The following TEX36 variants were observed in gnomAD, a reference collection of about 807,000 sequenced individuals.
The protein encoded by TEX36 is testis-expressed protein 36.
A neutral mutation model predicts 13.6 loss-of-function variants in TEX36; 12 were observed. The observed-to-expected ratio is 0.88, with a 90% CI of 0.56 to 1.43. The LOEUF is 1.43. Among genes scored for constraint, TEX36 ranks in the 40% most tolerant of loss-of-function variants. The pLI, the probability that TEX36 is intolerant of heterozygous loss-of-function variation, is 0.00. For synonymous variants in TEX36, 93 were observed against 83.0 expected (o/e 1.12, Z -0.65); for missense variants, 224 against 228.3 (o/e 0.98, Z 0.12).
At chr10:125,609,526 C>T (rs992368462) in intron 3 of TEX36, among the ~76,000 whole-genome samples, 1 of 152,158 alleles carries the variant, frequency 6.6e-6, no homozygotes, top group Non-Finnish European at 1.5e-5. Flanking sequence ...ACCTCCCATG[C>T]GGGATCCTTC....
At position 125,661,913 on chromosome 10, in the gene TEX36, G is replaced by C. The variant is rs199742415; in HGVS notation, c.116C>G (p.Pro39Arg). ...TTGCCGAGGCAAGTGTGGACTCTGG[G>C]GCTCTTTTGACGTAGCACTGGTGAT... ...ESITSATSKE[P>R]QSPHLPRQAE... Residue 39 changes from proline (P) to arginine (R), a missense_variant, in exon 2 of 4, where the codon CCC becomes CGC. Transcript: ENST00000368821. 5 of 1,552,298 alleles carry C rather than the reference G, an allele frequency of 3.2e-6. No individual in the cohort carries two copies. The highest frequency in any genetic ancestry group is 4.4e-6 in the Non-Finnish European group (5 of 1,147,128).
Position 125,655,817 on chromosome 10 carries a change from G to A in TEX36, c.*83C>T. 7.3e-7 allele frequency: 1 copy of A among 1,374,662 alleles called. No individual in the cohort carries two copies. The highest frequency in any genetic ancestry group is 3.3e-5 in the Admixed American group (1 of 30,096). The allele number at this position is 1,374,662 out of a possible 1,614,324, so 85.2% of individuals were successfully genotyped here. On this transcript the variant is annotated 3_prime_UTR_variant, in exon 4 of 4. Transcript: ENST00000368821. ...AAAGTACTTTAAAAATTAAATAGTG[G>A]TGCTGGATCAGAAAACATATACTTT...
At chr10:125,649,040 T>C (rs770435324) in intron 3 of TEX36, among the ~76,000 whole-genome samples, 3 of 152,202 alleles carry the variant, frequency 2.0e-5, no homozygotes, top group Non-Finnish European at 4.4e-5. Flanking sequence ...TTGGTGTACC[T>C]GAAAGAGACA....
intron 3 of TEX36, among the ~76,000 whole-genome samples, chr10:125,623,527 T>C (rs1456955728): frequency 6.6e-6 from 1 of 151,632 alleles, no homozygotes; most frequent in Non-Finnish European, 1.5e-5. Context: ...TAGTAATATG[T>C]GTAACATGAA....
At chr10:125,653,650 AT>A (rs1291856082), downstream of TEX36, among the ~76,000 whole-genome samples, 3 of 152,058 alleles carry the variant, frequency 2.0e-5, no homozygotes, top group African/African-American at 7.2e-5. Context: ...AATAATAAAA[AT>A]TTTTAAAAAA....
intron 3 of TEX36, among the ~76,000 whole-genome samples, chr10:125,590,288 A>G (rs1432186692): frequency 6.6e-6 from 1 of 151,968 alleles, no homozygotes; most frequent in African/African-American, 2.4e-5. Flanking sequence ...TTTTTAAAAA[A>G]AAAATTTTTG....
In TEX36 at chr10:125,613,740, T is replaced by TA. The variant is rs563978572; in HGVS notation, c.265-36867dup. On this transcript the variant is annotated intron_variant, in intron 3 of 3. Coordinates refer to the TEX36 transcript ENST00000532135. The stretch of plus-strand genomic sequence containing the variant: ...ATTGCGAATAGTGCCGCAATAAACA[T>TA]ACGTGTGCATGTGTCTTTATAGCAG... 3.7e-3 allele frequency among the ~76,000 whole-genome samples: 566 copies of TA among 152,198 alleles called. 4 individuals carry two copies. The highest frequency in any genetic ancestry group is 0.012 in the African/African-American group (500 of 41,528).
At chr10:125,614,125 GTTGT>G (rs1190705124) in intron 3 of TEX36, among the ~76,000 whole-genome samples, 1 of 152,122 alleles carries the variant, frequency 6.6e-6, no homozygotes, top group Non-Finnish European at 1.5e-5. Context: ...TTTTGATGGG[GTTGT>G]TTGTTTTTTT....
intron 3 of TEX36, among the ~76,000 whole-genome samples, chr10:125,615,935 C>T (rs1846352250): frequency 1.3e-5 from 2 of 152,142 alleles, no homozygotes; most frequent in Non-Finnish European, 2.9e-5. Flanking sequence ...GCTTGGTAAG[C>T]TATTGATTAT....
downstream of TEX36, among the ~76,000 whole-genome samples, chr10:125,617,744 T>C (rs527847595): frequency 6.6e-6 from 1 of 152,330 alleles, no homozygotes; most frequent in South Asian, 2.1e-4. Context: ...TCAACTTTGG[T>C]GAATCTGACA....
intron 3 of TEX36, chr10:125,578,070 G>A (rs1346481792): frequency 6.6e-6 from 1 of 152,158 alleles, no homozygotes; most frequent in African/African-American, 2.4e-5. Context: ...GAGTCCACTG[G>A]ACAGCCTTGA....
At chr10:125,643,565 ACT>A (rs1436559875) in intron 3 of TEX36, among the ~76,000 whole-genome samples, 1 of 152,102 alleles carries the variant, frequency 6.6e-6, no homozygotes, top group Non-Finnish European at 1.5e-5. Flanking sequence ...ACAAAGTGAA[ACT>A]CTGTCTCTAC....
chr10:125,661,782 C>T, intron 2 of TEX36, 64 bp downstream of exon 2: 1 of 1,533,704 alleles, frequency 6.5e-7, no homozygotes, highest in Non-Finnish European at 8.8e-7. Flanking sequence ...CCCAACGTGC[C>T]AGCGGCGCTG....
At chr10:125,627,155 T>C (rs976764981) in intron 3 of TEX36, among the ~76,000 whole-genome samples, 1 of 152,234 alleles carries the variant, frequency 6.6e-6, no homozygotes, top group Admixed American at 6.5e-5. Context: ...ATTTTTTAAA[T>C]ACATGTAAGT....
At chr10:125,621,759 G>A (rs1052802260) in intron 3 of TEX36, 1 of 423,900 alleles carries the variant, frequency 2.4e-6, no homozygotes, top group African/African-American at 2.1e-5. Context: ...CCCCCCAGAA[G>A]CCACTGGTTC....
chr10:125,587,013 C>T (rs977083070), intron 3 of TEX36, among the ~76,000 whole-genome samples: 18 of 152,210 alleles, frequency 1.2e-4, no homozygotes, highest in Admixed American at 7.2e-4. Flanking sequence ...TGTCTCCCTC[C>T]TCTCTCTATT....
At chr10:125,641,217 A>G (rs1846687020) in intron 3 of TEX36, among the ~76,000 whole-genome samples, 1 of 152,224 alleles carries the variant, frequency 6.6e-6, no homozygotes, top group South Asian at 2.1e-4. Flanking sequence ...CCACCCAAAC[A>G]GAAATGGCTT....
chr10:125,581,101 G>A (rs1195146773), intron 3 of TEX36, among the ~76,000 whole-genome samples: 2 of 152,198 alleles, frequency 1.3e-5, no homozygotes, highest in Admixed American at 1.3e-4. Flanking sequence ...AGCAGCCTAG[G>A]GACAGCTTCC....
At chr10:125,602,750 T>G (rs376287529) in intron 3 of TEX36, among the ~76,000 whole-genome samples, 2 of 152,224 alleles carry the variant, frequency 1.3e-5, no homozygotes, top group African/African-American at 4.8e-5. Context: ...CCAAACTCTC[T>G]CCATCCAGAC....
Sources: allele counts gnomAD v4.1 joint callset (sites outside exome capture counted in the v4.1 genomes callset), GRCh38; gene constraint gnomAD v4.1.1; transcripts MANE v1.5; gene names NCBI Gene and HGNC (gene_info 2026-07-23, HGNC 2026-07-21).